The following MAPK10 variants were observed in gnomAD, a reference collection of about 807,000 sequenced individuals.
The protein encoded by MAPK10 is mitogen-activated protein kinase 10, also known as JNK3 alpha protein kinase.
In MAPK10, 25 loss-of-function variants were observed where a neutral mutation model predicts 59.3. The ratio of observed to expected loss-of-function variants is 0.42; its 90% CI spans 0.31 to 0.59. The LOEUF is 0.59. MAPK10 is among the 20% of genes least tolerant of loss of function. The pLI is 0.15. For synonymous variants in MAPK10, 190 were observed against 200.5 expected (o/e 0.95, Z 0.44); for missense variants, 351 against 568.9 (o/e 0.62, Z 3.90).
chr4:86,365,373 A>G lies in MAPK10; in HGVS notation c.-121-10729T>C, dbSNP rs1259674431. Among the ~76,000 whole-genome samples the G allele has an allele frequency of 2.2e-5, 3 of 136,898 alleles. No homozygotes were observed. In the East Asian group the frequency reaches 7.2e-4, roughly 33 times the overall value. The allele number at this position is 136,898 out of a possible 152,430, so 89.8% of individuals were successfully genotyped here. A position where few individuals can be genotyped will look rare whatever the true frequency, so the allele number is the denominator to read the frequency against. ...CTTGAACCCGGGAGGTGGAGGTTGC[A>G]GTGAACCGAGACTGCACCATTGCGC... is the stretch of plus-strand genomic sequence containing the variant. On this transcript the variant is annotated intron_variant, in intron 1 of 13. Coordinates refer to the MAPK10 transcript ENST00000361569.
chr4:86,233,506 TC>T (rs781760058), intron 2 of MAPK10, among the ~76,000 whole-genome samples: 8 of 152,158 alleles, frequency 5.3e-5, no homozygotes, highest in Non-Finnish European at 1.0e-4. Flanking sequence ...CCAAGGAGCT[TC>T]CTTTGAAAGC....
chr4:86,045,180 T>A (rs1464728865), intron 11 of MAPK10, among the ~76,000 whole-genome samples: 1 of 151,866 alleles, frequency 6.6e-6, no homozygotes. Context: ...TTCTCAGATT[T>A]ATTTATTAGC....
intron 1 of MAPK10, among the ~76,000 whole-genome samples, chr4:86,552,534 GAA>G (rs1759930304): frequency 6.7e-6 from 1 of 148,542 alleles, no homozygotes; most frequent in Non-Finnish European, 1.5e-5. Flanking sequence ...AGGAAGGAAG[GAA>G]GGAAGGAAGG....
intron 11 of MAPK10, among the ~76,000 whole-genome samples, chr4:86,054,225 A>G (rs2044107802): frequency 6.6e-6 from 1 of 152,328 alleles, no homozygotes; most frequent in African/African-American, 2.4e-5. Flanking sequence ...ACTTGCTAAA[A>G]TTAGAGATAA....
intron 2 of MAPK10, among the ~76,000 whole-genome samples, chr4:86,337,954 T>A (rs940764244): frequency 1.3e-5 from 2 of 152,216 alleles, no homozygotes; most frequent in African/African-American, 2.4e-5. Flanking sequence ...TCTACTTTCC[T>A]TAAGATATAA....
chr4:86,101,567 G>A (rs1016987682), intron 7 of MAPK10: 2 of 392,388 alleles, frequency 5.1e-6, no homozygotes, highest in South Asian at 7.7e-5. Flanking sequence ...ACAGATCAGG[G>A]AAGCTGTCTT....
chr4:86,345,769 C>T (rs1450102190), intron 2 of MAPK10, among the ~76,000 whole-genome samples: 1 of 152,216 alleles, frequency 6.6e-6, no homozygotes, highest in Non-Finnish European at 1.5e-5. Context: ...ATTCTTGATT[C>T]CCTCTCCATA....
At chr4:86,365,367 G>A (rs1423007304) in intron 1 of MAPK10, among the ~76,000 whole-genome samples, 1 of 141,432 alleles carries the variant, frequency 7.1e-6, no homozygotes, top group African/African-American at 2.6e-5. Context: ...GGGAGGTGGA[G>A]GTTGCAGTGA....
At chr4:86,575,073 G>A (rs984632425) in intron 1 of MAPK10, among the ~76,000 whole-genome samples, 1 of 152,124 alleles carries the variant, frequency 6.6e-6, no homozygotes, top group African/African-American at 2.4e-5. Flanking sequence ...AATCTGTTGA[G>A]GGCCTGAATA....
intron 4 of MAPK10, among the ~76,000 whole-genome samples, chr4:86,122,491 T>G (rs543322935): frequency 6.6e-6 from 1 of 152,266 alleles, no homozygotes; most frequent in Non-Finnish European, 1.5e-5. Flanking sequence ...ATGTTTCATC[T>G]CCTGTTACAA....
intron 2 of MAPK10, among the ~76,000 whole-genome samples, 197 bp downstream of exon 2, chr4:86,354,333 C>T (rs571703750): frequency 6.6e-6 from 1 of 152,214 alleles, no homozygotes; most frequent in African/African-American, 2.4e-5. Flanking sequence ...CACCTCAAGA[C>T]TTTTCACTAC....
At chr4:86,325,401 A>C (rs1392323988) in intron 2 of MAPK10, among the ~76,000 whole-genome samples, 2 of 152,260 alleles carry the variant, frequency 1.3e-5, no homozygotes, top group Non-Finnish European at 2.9e-5. Flanking sequence ...AAAGTTATTC[A>C]ACCAGTAATT....
chr4:86,063,524 G>A (rs1404090595), intron 11 of MAPK10, among the ~76,000 whole-genome samples: 1 of 152,114 alleles, frequency 6.6e-6, no homozygotes, highest in Admixed American at 6.5e-5. Context: ...ATTCTCATCA[G>A]GAGGCCTATA....
At position 86,568,097 on chromosome 4, in the gene MAPK10, G is replaced by T. The variant is rs557606356; in HGVS notation, c.-263+25813C>A. On this transcript the variant is annotated intron_variant, in intron 1 of 4. Coordinates refer to the MAPK10 transcript ENST00000502302. The stretch of plus-strand genomic sequence containing the variant: ...AGATTTAACAAATGACTTCAGCAAA[G>T]GTACAGGATACAAAATCAACATATA... Among the ~76,000 whole-genome samples the T allele has an allele frequency of 3.3e-5, 5 of 152,106 alleles. No homozygotes were observed. The East Asian group carries it at 9.7e-4, about 29-fold the overall frequency.
chr4:86,536,665 A>AT (rs1297001073), intron 1 of MAPK10, among the ~76,000 whole-genome samples: 1 of 152,172 alleles, frequency 6.6e-6, no homozygotes, highest in Non-Finnish European at 1.5e-5. Context: ...AAAAATAGTC[A>AT]TTTTTTCAAC....
chr4:86,086,054 T>A (rs2051753491), intron 9 of MAPK10, among the ~76,000 whole-genome samples: 1 of 152,046 alleles, frequency 6.6e-6, no homozygotes, highest in Non-Finnish European at 1.5e-5. Context: ...TTAGGAAAAC[T>A]AGCTAATGCA....
intron 2 of MAPK10, among the ~76,000 whole-genome samples, chr4:86,232,459 C>T (rs1156800978): frequency 3.3e-5 from 5 of 151,872 alleles, no homozygotes; most frequent in Non-Finnish European, 7.4e-5. Flanking sequence ...CTGCAAGCTC[C>T]GCCTCCTGGG....
intron 2 of MAPK10, among the ~76,000 whole-genome samples, chr4:86,264,544 C>G (rs891980978): frequency 4.6e-5 from 7 of 152,218 alleles, no homozygotes; most frequent in Non-Finnish European, 1.0e-4. Flanking sequence ...CTTAAGTCTT[C>G]TCCCTTTCTA....
rs548416552 is a variant in MAPK10 at position 86,452,519 on chromosome 4, A to T, written c.-122+511T>A. On this transcript the variant is annotated intron_variant, in intron 1 of 13. Coordinates refer to the MAPK10 transcript ENST00000361569. ...CCACACACACAAACATACAATGCGC[A>T]CGCACACACACACACACACACGCAA... 2.7e-4 allele frequency among the ~76,000 whole-genome samples: 41 copies of T among 151,878 alleles called. No individual in the cohort carries two copies. In the South Asian group the frequency reaches 8.4e-3, roughly 31 times the overall value.
Sources: allele counts gnomAD v4.1 joint callset (sites outside exome capture counted in the v4.1 genomes callset), GRCh38; gene constraint gnomAD v4.1.1; transcripts MANE v1.5; gene names NCBI Gene and HGNC (gene_info 2026-07-23, HGNC 2026-07-21).